Variants in SOX5 observed in about 807,000 individuals in gnomAD.
The protein encoded by SOX5 is transcription factor SOX-5.
SOX5 carries 9 observed loss-of-function variants against 92.0 expected under a neutral mutation model. The observed-to-expected ratio is 0.10, with a 90% CI of 0.06 to 0.17. SOX5 has a LOEUF of 0.17. Ranked by LOEUF, SOX5 falls within the 10% of genes least tolerant of loss-of-function variation. SOX5 has a pLI of 1.00. For missense variants in SOX5, 642 were observed against 944.5 expected (o/e 0.68, Z 4.20); for synonymous variants, 344 against 336.3 (o/e 1.02, Z -0.25).
chr12:24,294,928 G>T (rs1009730641), intron 2 of SOX5, among the ~76,000 whole-genome samples: 1 of 152,052 alleles, frequency 6.6e-6, no homozygotes, highest in African/African-American at 2.4e-5. Context: ...AAACACACCA[G>T]GTCTTAACAT....
At chr12:24,430,462 A>T (rs554363616) in intron 1 of SOX5, among the ~76,000 whole-genome samples, 3 of 152,000 alleles carry the variant, frequency 2.0e-5, no homozygotes, top group African/African-American at 7.2e-5. Context: ...TATATAATAT[A>T]TATAAAATTC....
intron 2 of SOX5, among the ~76,000 whole-genome samples, chr12:24,299,506 G>GC (rs893432172): frequency 1.6e-4 from 24 of 151,942 alleles, no homozygotes; most frequent in African/African-American, 5.3e-4. Flanking sequence ...ACCTATCCAG[G>GC]CAGGGATTCA....
chr12:24,560,451 G>A (rs1489788573), intron 1 of SOX5, among the ~76,000 whole-genome samples: 2 of 152,134 alleles, frequency 1.3e-5, no homozygotes, highest in Non-Finnish European at 2.9e-5. Context: ...GGAGAACTTT[G>A]CACAGTGCCT....
At position 24,337,340 on chromosome 12, in the gene SOX5, CT is replaced by C. The variant is rs201383125; in HGVS notation, c.-174+31222del. Among the ~76,000 whole-genome samples, 321 of 143,038 alleles carry C rather than the reference CT, an allele frequency of 2.2e-3. 1 individual carries two copies. Among genetic ancestry groups the C allele is most frequent in the East Asian group, 0.021 (105 of 4,922 alleles). The allele number at this position is 143,038 out of a possible 152,430, so 93.8% of individuals were successfully genotyped here. A position where few individuals can be genotyped will look rare whatever the true frequency, so the allele number is the denominator to read the frequency against. ...CATTACACCTCTAAATCTGATTTTT[CT>C]TTTTTTTTTTTTTAAGAGAGAGAGA... On this transcript the variant is annotated intron_variant, in intron 2 of 4. Coordinates refer to the SOX5 transcript ENST00000446891.
chr12:24,486,554 C>A (rs1597216304), intron 1 of SOX5, among the ~76,000 whole-genome samples: 2 of 152,320 alleles, frequency 1.3e-5, no homozygotes, highest in East Asian at 3.9e-4. Context: ...TACCTTGTCC[C>A]CTCTGGCCTC....
intron 3 of SOX5, among the ~76,000 whole-genome samples, chr12:24,246,894 G>T (rs1253071664): frequency 6.6e-6 from 1 of 151,876 alleles, no homozygotes; most frequent in Non-Finnish European, 1.5e-5. Context: ...AAAGGGAGAG[G>T]GGATTTATGA....
chr12:24,428,915 T>C (rs1056979970), intron 1 of SOX5, among the ~76,000 whole-genome samples: 3 of 152,074 alleles, frequency 2.0e-5, no homozygotes, highest in Non-Finnish European at 2.9e-5. Flanking sequence ...ATATCACTTA[T>C]TAAGTATGTG....
At chr12:23,949,053 TCAA>T (rs1555446632) in intron 1 of SOX5, among the ~76,000 whole-genome samples, 14 of 152,084 alleles carry the variant, frequency 9.2e-5, no homozygotes, top group Non-Finnish European at 2.1e-4. Context: ...CTCTCTTATA[TCAA>T]CAAAAGGTCA....
intron 9 of SOX5, among the ~76,000 whole-genome samples, chr12:23,599,122 A>T (rs1008586003): frequency 6.6e-6 from 1 of 152,220 alleles, no homozygotes; most frequent in Admixed American, 6.5e-5. Context: ...CCCTAATAGG[A>T]GTCATCGGCA....
In SOX5 at chr12:23,742,765, G is replaced by A. The variant is rs371219498; in HGVS notation, c.569-1726C>T. Among the ~76,000 whole-genome samples, 29 of 152,280 alleles carry A rather than the reference G, an allele frequency of 1.9e-4. No individual in the cohort carries two copies. The South Asian group carries it at 5.6e-3, about 29-fold the overall frequency. On this transcript the variant is annotated intron_variant, in intron 4 of 14. Transcript: ENST00000451604. ...CCAATGTTTTGGGAGGCCCAGAAAG[G>A]AGGATCACTTGAGGCCAAGAGTTCG...
At chr12:24,435,418 A>G (rs1939218915) in intron 1 of SOX5, among the ~76,000 whole-genome samples, 1 of 152,240 alleles carries the variant, frequency 6.6e-6, no homozygotes, top group Admixed American at 6.5e-5. Context: ...ATCATTCACA[A>G]TAAAAGATTC....
intron 2 of SOX5, among the ~76,000 whole-genome samples, chr12:24,309,795 G>A (rs1316839533): frequency 6.6e-6 from 1 of 152,128 alleles, no homozygotes; most frequent in Non-Finnish European, 1.5e-5. Context: ...TAGGAAAAGA[G>A]ACACACATTA....
chr12:23,643,503 A>T (rs2080405043), intron 7 of SOX5, among the ~76,000 whole-genome samples: 2 of 152,228 alleles, frequency 1.3e-5, no homozygotes, highest in South Asian at 4.1e-4. Context: ...AGTGGTTAGC[A>T]TGTATCTGGA....
At chr12:24,473,934 A>G (rs74464155) in intron 1 of SOX5, among the ~76,000 whole-genome samples, 2,417 of 152,364 alleles carry the variant, frequency 0.016, 48 homozygotes, top group Non-Finnish European at 0.019. Context: ...AATGCTCAGC[A>G]AAACTAGAAA....
At chr12:23,754,187 G>T (rs1037721521) in intron 4 of SOX5, among the ~76,000 whole-genome samples, 3 of 151,752 alleles carry the variant, frequency 2.0e-5, no homozygotes, top group African/African-American at 7.3e-5. Flanking sequence ...CTGCTTTTAA[G>T]TTTGACTTGT....
At chr12:23,721,619 C>A (rs2092819459) in intron 6 of SOX5, among the ~76,000 whole-genome samples, 2 of 152,162 alleles carry the variant, frequency 1.3e-5, no homozygotes, top group South Asian at 4.1e-4. Flanking sequence ...CCACACTGTC[C>A]TAACACATTC....
At chr12:23,982,979 G>A (rs527646271) in intron 4 of SOX5, among the ~76,000 whole-genome samples, 16 of 152,004 alleles carry the variant, frequency 1.1e-4, no homozygotes, top group Middle Eastern at 6.8e-3. Flanking sequence ...TGTCATTCTC[G>A]GCCTTCACCA....
At chr12:24,315,396 G>A (rs1949605122) in intron 2 of SOX5, among the ~76,000 whole-genome samples, 2 of 151,952 alleles carry the variant, frequency 1.3e-5, no homozygotes, top group Non-Finnish European at 2.9e-5. Flanking sequence ...AAGAGATTAA[G>A]AGATTAAAAA....
intron 2 of SOX5, among the ~76,000 whole-genome samples, chr12:24,334,237 A>G (rs1951651230): frequency 6.6e-6 from 1 of 152,078 alleles, no homozygotes; most frequent in South Asian, 2.1e-4. Context: ...TAAAGAAATA[A>G]TATAGATTTT....
Sources: allele counts gnomAD v4.1 joint callset (sites outside exome capture counted in the v4.1 genomes callset), GRCh38; gene constraint gnomAD v4.1.1; transcripts MANE v1.5; gene names NCBI Gene and HGNC (gene_info 2026-07-23, HGNC 2026-07-21).